The following RIMS1 variants were observed in gnomAD, a reference collection of about 807,000 sequenced individuals.
RIMS1 encodes the protein regulating synaptic membrane exocytosis 1.
In RIMS1, 83 loss-of-function variants were observed where a neutral mutation model predicts 214.1. That is an observed-to-expected ratio of 0.39 (90% CI 0.32 to 0.47). RIMS1 has a LOEUF of 0.47. RIMS1 is among the 20% of genes least tolerant of loss of function. The pLI, the probability that RIMS1 is intolerant of heterozygous loss-of-function variation, is 0.99. For missense variants in RIMS1, 2,050 were observed against 2,161.8 expected (o/e 0.95, Z 1.03); for synonymous variants, 793 against 786.8 (o/e 1.01, Z -0.13).
chr6:72,081,601 A>G (rs532790803), intron 2 of RIMS1, among the ~76,000 whole-genome samples: 32 of 152,054 alleles, frequency 2.1e-4, no homozygotes, highest in Non-Finnish European at 3.1e-4. Context: ...TTAAAAATAG[A>G]CTTGATTATT....
intron 2 of RIMS1, among the ~76,000 whole-genome samples, chr6:71,994,050 T>A (rs1270081505): frequency 6.6e-6 from 1 of 152,212 alleles, no homozygotes; most frequent in Non-Finnish European, 1.5e-5. Flanking sequence ...ATTGTACTCT[T>A]AAGTCAGTGA....
intron 4 of RIMS1, among the ~76,000 whole-genome samples, chr6:72,127,760 A>T (rs2039807922): frequency 6.6e-6 from 1 of 152,232 alleles, no homozygotes; most frequent in African/African-American, 2.4e-5. Context: ...CCATGAAGGT[A>T]GTAGAGAAAG....
intron 6 of RIMS1, among the ~76,000 whole-genome samples, chr6:72,231,357 A>T (rs2697440): frequency 0.65 from 98,972 of 151,320 alleles, 32,856 homozygotes; most frequent in East Asian, 0.98. Context: ...GTGATAAGAA[A>T]ACTATTAGCC....
rs375469466 is a variant in RIMS1, at chr6:72,048,292, G to T, written c.246-48657G>T. Among the ~76,000 whole-genome samples the T allele has an allele frequency of 5.9e-5, 9 of 152,244 alleles. No individual in the cohort carries two copies. In the East Asian group the frequency reaches 1.7e-3, roughly 29 times the overall value. On this transcript the variant is annotated intron_variant, in intron 2 of 33. Transcript: ENST00000521978. Reference sequence around the variant, plus strand: ...CCACTAAAACATTTAAAAATTATCAGCTTCATGGGTGTCTGAGTGCTTGCT... The same window carrying T: ...CCACTAAAACATTTAAAAATTATCATCTTCATGGGTGTCTGAGTGCTTGCT...
intron 2 of RIMS1, among the ~76,000 whole-genome samples, chr6:72,018,347 C>A (rs1175207763): frequency 6.6e-6 from 1 of 151,962 alleles, no homozygotes; most frequent in Non-Finnish European, 1.5e-5. Context: ...AATGGAGTTT[C>A]CATTTACTGA....
intron 24 of RIMS1, among the ~76,000 whole-genome samples, chr6:72,288,609 A>G (rs2092805288): frequency 6.6e-6 from 1 of 152,198 alleles, no homozygotes; most frequent in Non-Finnish European, 1.5e-5. Context: ...TCTGTACCTC[A>G]GAATTTCTTG....
chr6:72,341,776 A>T (rs994057355), intron 29 of RIMS1, among the ~76,000 whole-genome samples: 2 of 151,856 alleles, frequency 1.3e-5, no homozygotes, highest in Non-Finnish European at 2.9e-5. Flanking sequence ...CAAGGATCTA[A>T]GTCCCTAGGA....
chr6:71,952,075 GCCTGAC>G (rs1233495114), intron 1 of RIMS1, among the ~76,000 whole-genome samples: 1 of 152,142 alleles, frequency 6.6e-6, no homozygotes, highest in Non-Finnish European at 1.5e-5. Context: ...GCATGGGCAG[GCCTGAC>G]CCTGACTTAC....
At chr6:71,977,227 C>A (rs1340315964) in intron 2 of RIMS1, among the ~76,000 whole-genome samples, 2 of 152,066 alleles carry the variant, frequency 1.3e-5, no homozygotes, top group Non-Finnish European at 2.9e-5. Flanking sequence ...GCTCTTGCAC[C>A]CTTGCTGCTG....
intron 6 of RIMS1, among the ~76,000 whole-genome samples, chr6:72,222,406 TGC>T (rs2058759900): frequency 6.6e-6 from 1 of 152,070 alleles, no homozygotes; most frequent in African/African-American, 2.4e-5. Flanking sequence ...TTTTTTGTAC[TGC>T]ATTCAAAAAA....
chr6:72,067,830 C>G (rs1432252026), intron 2 of RIMS1, among the ~76,000 whole-genome samples: 2 of 152,122 alleles, frequency 1.3e-5, no homozygotes, highest in Non-Finnish European at 2.9e-5. Context: ...AAAATCAGAG[C>G]CTGTTATATT....
chr6:72,149,415 G>T (rs1260125785), intron 4 of RIMS1, among the ~76,000 whole-genome samples: 1 of 152,260 alleles, frequency 6.6e-6, no homozygotes, highest in Non-Finnish European at 1.5e-5. Flanking sequence ...CAACAATGAG[G>T]TGTTGCCTTG....
intron 29 of RIMS1, among the ~76,000 whole-genome samples, chr6:72,343,517 G>GTTTTTTTTT (rs1564321013): frequency 1.8e-5 from 1 of 54,996 alleles, no homozygotes; most frequent in African/African-American, 6.8e-5. Flanking sequence ...TTTTTTTTTT[G>GTTTTTTTTT]TGTGTGTGGT....
chr6:72,337,042 A>G (rs2096865776), intron 29 of RIMS1, among the ~76,000 whole-genome samples: 1 of 151,796 alleles, frequency 6.6e-6, no homozygotes, highest in Non-Finnish European at 1.5e-5. Flanking sequence ...CTCTCTTAAA[A>G]TAACTTCGGA....
At chr6:72,009,526 T>G (rs903980828) in intron 2 of RIMS1, among the ~76,000 whole-genome samples, 16 of 151,328 alleles carry the variant, frequency 1.1e-4, no homozygotes, top group Admixed American at 3.3e-4. Flanking sequence ...AAAAATCAAT[T>G]AATCCAGGAG....
chr6:72,135,409 C>G (rs2153865376), intron 4 of RIMS1, among the ~76,000 whole-genome samples: 1 of 152,250 alleles, frequency 6.6e-6, no homozygotes, highest in East Asian at 1.9e-4. Context: ...TTGAATTCAC[C>G]TCACCTCCCA....
intron 2 of RIMS1, among the ~76,000 whole-genome samples, chr6:72,015,305 G>A (rs182903181): frequency 2.6e-5 from 4 of 152,104 alleles, no homozygotes; most frequent in African/African-American, 9.7e-5. Context: ...TTTGATTTTT[G>A]AGCATTTTGA....
intron 4 of RIMS1, among the ~76,000 whole-genome samples, chr6:72,165,094 T>TTAAATA (rs1411825932): frequency 6.6e-6 from 1 of 152,208 alleles, no homozygotes; most frequent in African/African-American, 2.4e-5. Context: ...TATACATATA[T>TTAAATA]TAAATATTTT....
chr6:72,271,416 A>G (rs2083319038), intron 22 of RIMS1, among the ~76,000 whole-genome samples: 1 of 151,376 alleles, frequency 6.6e-6, no homozygotes, highest in East Asian at 1.9e-4. Flanking sequence ...ATATGTGTAT[A>G]ATCAGTTATC....
Sources: gnomAD v4.1 joint callset for allele counts (sites outside exome capture counted in the v4.1 genomes callset) on GRCh38, gnomAD v4.1.1 for gene constraint, MANE v1.5 for transcripts, NCBI Gene and HGNC (gene_info 2026-07-23, HGNC 2026-07-21) for gene names.